USP8: variants seen among roughly 807,000 people sequenced by gnomAD.
USP8 encodes ubiquitin specific peptidase 8.
A neutral mutation model predicts 130.0 loss-of-function variants in USP8; 27 were observed. The observed-to-expected ratio is 0.21, with a 90% confidence interval of 0.15 to 0.29. The LOEUF is 0.29. Among genes scored for constraint, USP8 ranks in the 10% least tolerant of loss-of-function variants. The pLI is 1.00. For synonymous variants in USP8, 392 were observed against 444.1 expected (o/e 0.88, Z 1.48); for missense variants, 1,029 against 1,312.2 (o/e 0.78, Z 3.33).
intron 4 of USP8, among the ~76,000 whole-genome samples, chr15:50,451,613 A>G (rs887683445): frequency 7.9e-5 from 12 of 152,154 alleles, no homozygotes; most frequent in Non-Finnish European, 1.0e-4. Flanking sequence ...GTTATTTTGC[A>G]GCTAGATGTG....
chr15:50,446,627 A>G (rs2050448640), intron 3 of USP8, among the ~76,000 whole-genome samples: 1 of 152,256 alleles, frequency 6.6e-6, no homozygotes, highest in Non-Finnish European at 1.5e-5. Context: ...GTAATGTTCA[A>G]TTGATACGAT....
Position 50,510,190 on chromosome 15 carries a change from G to T in USP8, c.*11102G>T, listed in dbSNP as rs1039622447. 3 of 152,090 alleles carry T rather than the reference G, an allele frequency of 2.0e-5. No homozygotes were observed. The highest frequency in any genetic ancestry group is 4.4e-5 in the Non-Finnish European group (3 of 68,018). 9.4% of individuals were successfully genotyped at this position (152,090 alleles called of 1,614,324 possible). ...AGGAAAAGAAGAGGCTGAGACATTT[G>T]GTTATTCATATGCAGAAAAATGAAA... is the stretch of plus-strand genomic sequence containing the variant. On this transcript the variant is annotated 3_prime_UTR_variant, in exon 20 of 20. Coordinates refer to ENST00000307179, the MANE Select transcript of USP8 (RefSeq NM_005154.5).
chr15:50,483,193 T>A (rs2051836883), intron 11 of USP8, among the ~76,000 whole-genome samples: 1 of 152,170 alleles, frequency 6.6e-6, no homozygotes, highest in Admixed American at 6.5e-5. Context: ...GAAACTGAAG[T>A]TTAGAGGTTA....
intron 18 of USP8, chr15:50,497,706 G>T (rs1324647436): frequency 6.6e-6 from 1 of 152,126 alleles, no homozygotes; most frequent in African/African-American, 2.4e-5. Flanking sequence ...TCCTATAATA[G>T]AAGGAATAAT....
At chr15:50,490,645 C>T (rs1412790537) in intron 14 of USP8, 120 bp downstream of exon 14, 7 of 1,270,798 alleles carry the variant, frequency 5.5e-6, no homozygotes, top group Non-Finnish European at 6.4e-6. Flanking sequence ...CTATACCAGC[C>T]GTTATTATTT....
At chr15:50,485,450 A>AC (rs574926778) in intron 12 of USP8, among the ~76,000 whole-genome samples, 2 of 84,436 alleles carry the variant, frequency 2.4e-5, no homozygotes, top group Non-Finnish European at 5.2e-5. Flanking sequence ...ACTCCATTTC[A>AC]AAAAAAAAAA....
intron 7 of USP8, chr15:50,466,960 C>A: frequency 2.1e-6 from 1 of 468,768 alleles, no homozygotes; most frequent in South Asian, 2.2e-5. Flanking sequence ...GGTGACGGTT[C>A]TAAGACATGG....
intron 18 of USP8, 135 bp from the exon 19 acceptor site, chr15:50,498,461 C>A (rs542062537): frequency 1.7e-6 from 2 of 1,174,304 alleles, no homozygotes; most frequent in Admixed American, 6.1e-5. Context: ...TAACAGGTTC[C>A]TCTACTACTA....
Position 50,500,307 on chromosome 15 carries a change from A to C in USP8, c.*1219A>C, listed in dbSNP as rs1210731482. ...ATTTGAACAAAAATTATTTTTGTTTAGCTTCATGAGTATCTTTGGAAAATA... is the reference window on the plus strand; with the variant it reads ...ATTTGAACAAAAATTATTTTTGTTTCGCTTCATGAGTATCTTTGGAAAATA... On this transcript the variant is annotated 3_prime_UTR_variant, in exon 20 of 20. Transcript: ENST00000307179. 6.5e-6 allele frequency: 1 copy of C among 153,776 alleles called. No homozygotes were observed. Among genetic ancestry groups the C allele is most frequent in the Admixed American group, 6.4e-5 (1 of 15,626 alleles). 9.5% of individuals were successfully genotyped at this position (153,776 alleles called of 1,614,324 possible).
intron 10 of USP8, among the ~76,000 whole-genome samples, chr15:50,477,965 T>C (rs1248836494): frequency 6.6e-6 from 1 of 152,242 alleles, no homozygotes; most frequent in African/African-American, 2.4e-5. Flanking sequence ...TTTAAAAATT[T>C]TTCATCATAA....
intron 7 of USP8, among the ~76,000 whole-genome samples, chr15:50,470,324 A>T (rs748807684): frequency 1.3e-5 from 2 of 151,866 alleles, no homozygotes; most frequent in African/African-American, 2.4e-5. Context: ...TGGGAATATC[A>T]TGTGTGCGTG....
At position 50,505,136 on chromosome 15, in the gene USP8, G is replaced by A. The variant is rs1162901218; in HGVS notation, c.*6048G>A. The A allele has an allele frequency of 6.6e-6, 1 of 152,166 alleles. No homozygotes were observed. Among genetic ancestry groups the A allele is most frequent in the East Asian group, 1.9e-4 (1 of 5,200 alleles). The allele number at this position is 152,166 out of a possible 1,614,324, so 9.4% of individuals were successfully genotyped here. A position where few individuals can be genotyped will look rare whatever the true frequency, so the allele number is the denominator to read the frequency against. The stretch of plus-strand genomic sequence containing the variant: ...AGTTCTAGGAGGAGAGAATCGAGTA[G>A]GGGAGCAAGGCAATATTAAAAGTGA... On this transcript the variant is annotated 3_prime_UTR_variant, in exon 20 of 20. Coordinates refer to ENST00000307179, the MANE Select transcript of USP8 (RefSeq NM_005154.5).
At chr15:50,461,586 G>A (rs1454853477) in intron 5 of USP8, among the ~76,000 whole-genome samples, 3 of 152,170 alleles carry the variant, frequency 2.0e-5, no homozygotes, top group Non-Finnish European at 2.9e-5. Context: ...CGGGCACAGC[G>A]GCTCATGCCT....
intron 2 of USP8, among the ~76,000 whole-genome samples, chr15:50,441,063 C>T (rs1237202716): frequency 6.6e-6 from 1 of 151,462 alleles, no homozygotes; most frequent in Non-Finnish European, 1.5e-5. Flanking sequence ...CAATAGGGTT[C>T]GTGCTCCTAT....
chr15:50,493,728 A>G, intron 15 of USP8: 1 of 383,808 alleles, frequency 2.6e-6, no homozygotes, highest in South Asian at 2.0e-5. Context: ...AGCCTGGGTG[A>G]CAGAATGAGA....
intron 10 of USP8, among the ~76,000 whole-genome samples, chr15:50,480,165 C>T (rs956257263): frequency 2.0e-5 from 3 of 152,142 alleles, no homozygotes; most frequent in African/African-American, 7.2e-5. Flanking sequence ...TCTTTCAGTA[C>T]ACAGTATTCT....
rs1340779306 is a variant in USP8 at position 50,480,719 on chromosome 15, G to C, written c.1219-762G>C. Among the ~76,000 whole-genome samples the C allele has an allele frequency of 2.0e-5, 3 of 152,200 alleles. No homozygotes were observed. The East Asian group carries it at 5.8e-4, about 29-fold the overall frequency. ...ATGTAAGACCATACAGGGCATTACA[G>C]ACTATGGTAAAGATTTTAGGTGTAC... On this transcript the variant is annotated intron_variant, in intron 10 of 19. Coordinates refer to ENST00000307179, the MANE Select transcript of USP8 (RefSeq NM_005154.5).
Position 50,502,212 on chromosome 15 carries a change from A to G in USP8, c.*3124A>G, listed in dbSNP as rs989745769. The G allele has an allele frequency of 9.4e-5, 14 of 149,526 alleles. No individual in the cohort carries two copies. The highest frequency in any genetic ancestry group is 1.5e-4 in the Non-Finnish European group (10 of 67,512). The allele number at this position is 149,526 out of a possible 1,614,324, so 9.3% of individuals were successfully genotyped here. A position where few individuals can be genotyped will look rare whatever the true frequency, so the allele number is the denominator to read the frequency against. ...AACCTCCGCCTCCCAGGTTCAAGCA[A>G]TTCTTCTGCCTCAGCCTTCCAAGTA... is the stretch of plus-strand genomic sequence containing the variant. On this transcript the variant is annotated 3_prime_UTR_variant, in exon 20 of 20. Transcript: ENST00000307179.
At position 50,495,565 on chromosome 15, in the gene USP8, A is replaced by G. The variant is rs749628098; in HGVS notation, c.2659-283A>G. Among the ~76,000 whole-genome samples the G allele has an allele frequency of 6.1e-4, 93 of 151,956 alleles. 1 individual carries two copies. The highest frequency in any genetic ancestry group is 1.3e-3 in the Admixed American group (20 of 15,244). ...AGTCCTCCTGCCTTGGCTTCCCAGA[A>G]TGCTGGGATTACAAGCATGAACCAC... On this transcript the variant is annotated intron_variant, in intron 16 of 19. Transcript: ENST00000307179.
Sources: allele counts gnomAD v4.1 joint callset (sites outside exome capture counted in the v4.1 genomes callset), GRCh38; gene constraint gnomAD v4.1.1; transcripts MANE v1.5; gene names NCBI Gene and HGNC (gene_info 2026-07-23, HGNC 2026-07-21).